Variants in GRM7 observed in about 807,000 individuals in gnomAD.
The protein encoded by GRM7 is glutamate metabotropic receptor 7, also known as metabotropic glutamate receptor 7.
GRM7 carries 35 observed loss-of-function variants against 84.5 expected under a neutral mutation model. The observed-to-expected ratio is 0.41, with a 90% CI of 0.32 to 0.55. The LOEUF (loss-of-function observed/expected upper bound fraction) is 0.55, where lower values mean the gene tolerates loss of function less well. Among genes scored for constraint, GRM7 ranks in the 20% least tolerant of loss-of-function variants. The pLI, the probability that GRM7 is intolerant of heterozygous loss-of-function variation, is 0.19. For missense variants in GRM7, 1,003 were observed against 1,194.6 expected, an observed-to-expected ratio of 0.84 and a Z score of 2.36; for synonymous variants, 487 against 455.1, an observed-to-expected ratio of 1.07 and a Z score of -0.89.
intron 4 of GRM7, among the ~76,000 whole-genome samples, chr3:7,411,980 C>T (rs1695957994): frequency 6.6e-6 from 1 of 151,854 alleles, no homozygotes; most frequent in Admixed American, 6.6e-5. Context: ...CCCCTCCCCT[C>T]CCCTTCCCAA....
intron 2 of GRM7, among the ~76,000 whole-genome samples, chr3:7,197,314 A>G (rs1695910868): frequency 6.6e-6 from 1 of 152,170 alleles, no homozygotes; most frequent in South Asian, 2.1e-4. Context: ...AGTTACATCC[A>G]ATAAAGATGC....
rs192340568 is a variant in GRM7 at position 7,137,792 on chromosome 3, T to C, written c.520-8660T>C. The stretch of plus-strand genomic sequence containing the variant: ...AAACCCACATAATGTCTTCTCTTCA[T>C]TGGAACGTCATTAAGAAGGAGTGTG... On this transcript the variant is annotated intron_variant, in intron 1 of 9. Coordinates refer to ENST00000357716, the MANE Select transcript of GRM7 (RefSeq NM_000844.4). 3.3e-5 allele frequency among the ~76,000 whole-genome samples: 5 copies of C among 152,170 alleles called. No homozygotes were observed. In the East Asian group the frequency reaches 9.7e-4, roughly 29 times the overall value.
chr3:7,698,804 G>T (rs1221142000), intron 9 of GRM7, among the ~76,000 whole-genome samples: 1 of 152,038 alleles, frequency 6.6e-6, no homozygotes, highest in East Asian at 1.9e-4. Flanking sequence ...AGTACCCCCG[G>T]GCTACTACAT....
intron 1 of GRM7, among the ~76,000 whole-genome samples, chr3:6,981,216 A>G (rs953271658): frequency 1.3e-5 from 2 of 152,246 alleles, no homozygotes; most frequent in Admixed American, 1.3e-4. Flanking sequence ...TGAATCATTT[A>G]TAATTTAGAT....
At chr3:7,206,077 G>C (rs1351902463) in intron 2 of GRM7, among the ~76,000 whole-genome samples, 4 of 152,122 alleles carry the variant, frequency 2.6e-5, no homozygotes, top group African/African-American at 4.8e-5. Flanking sequence ...CATTACTGTT[G>C]TGTTGTGGTA....
At chr3:6,927,525 A>AGAAG (rs1697356204) in intron 1 of GRM7, among the ~76,000 whole-genome samples, 1 of 150,582 alleles carries the variant, frequency 6.6e-6, no homozygotes, top group African/African-American at 2.4e-5. Context: ...AAGAAGAGAA[A>AGAAG]AGAAAGAAAG....
chr3:6,890,628 T>A (rs2124981841), intron 1 of GRM7, among the ~76,000 whole-genome samples: 1 of 152,328 alleles, frequency 6.6e-6, no homozygotes, highest in Admixed American at 6.5e-5. Context: ...CTTTTACATT[T>A]GCTGAGGAGA....
intron 7 of GRM7, among the ~76,000 whole-genome samples, chr3:7,511,738 T>C (rs979274051): frequency 2.0e-5 from 3 of 152,166 alleles, no homozygotes; most frequent in Admixed American, 6.6e-5. Context: ...CACAAAGGCA[T>C]TAGTGCTTGT....
intron 9 of GRM7, chr3:7,693,533 C>G: frequency 1.3e-6 from 1 of 748,910 alleles, no homozygotes; most frequent in Non-Finnish European, 2.3e-6. Context: ...CTTAATTCCT[C>G]TTTCCCTCAT....
intron 1 of GRM7, among the ~76,000 whole-genome samples, chr3:7,120,493 C>T (rs976332236): frequency 1.3e-5 from 2 of 152,086 alleles, no homozygotes; most frequent in South Asian, 4.2e-4. Flanking sequence ...GCTACAAAAA[C>T]ATTTTGTATC....
chr3:7,364,297 A>G (rs1237522564), intron 4 of GRM7, among the ~76,000 whole-genome samples: 1 of 151,708 alleles, frequency 6.6e-6, no homozygotes, highest in East Asian at 1.9e-4. Flanking sequence ...TTTTGTCTTA[A>G]ATTTGATTTT....
intron 4 of GRM7, among the ~76,000 whole-genome samples, chr3:7,408,670 G>A (rs1025114985): frequency 6.6e-6 from 1 of 152,198 alleles, no homozygotes; most frequent in East Asian, 1.9e-4. Flanking sequence ...AGGCAGACAA[G>A]AAACTGACAC....
At chr3:7,411,054 C>G (rs1188495247) in intron 4 of GRM7, among the ~76,000 whole-genome samples, 1 of 152,056 alleles carries the variant, frequency 6.6e-6, no homozygotes, top group African/African-American at 2.4e-5. Flanking sequence ...TGCAATACCC[C>G]ATCTGTGTTC....
At chr3:7,642,727 G>A (rs184714269) in intron 8 of GRM7, among the ~76,000 whole-genome samples, 2 of 152,240 alleles carry the variant, frequency 1.3e-5, no homozygotes, top group Admixed American at 6.5e-5. Flanking sequence ...AAACAATCAC[G>A]TCTTAACTGG....
In GRM7 at chr3:7,600,444, T is replaced by C. The variant is rs2125069985; in HGVS notation, c.2451+21087T>C. ...GATTTCTCCTTAGAGCTCTTAGTTG[T>C]CAATAAAAACCTCTTGGTAAGCAAC... On this transcript the variant is annotated intron_variant, in intron 8 of 9. Transcript: ENST00000357716. 2.0e-5 allele frequency among the ~76,000 whole-genome samples: 3 copies of C among 152,244 alleles called. No homozygotes were observed. In the South Asian group the frequency reaches 6.2e-4, roughly 32 times the overall value.
rs1575517773 is a variant in GRM7, at chr3:7,578,977, G to A, written c.2071G>A (p.Val691Ile). ...YRIFEQGKKS[V>I]TAPRLISPTS... ...CATATTTGAGCAGGGCAAGAAATCAGTAACAGCTCCCAGACTCATAAGCCC... is the reference window on the plus strand; with the variant it reads ...CATATTTGAGCAGGGCAAGAAATCAATAACAGCTCCCAGACTCATAAGCCC... Residue 691 changes from valine (V) to isoleucine (I), a missense_variant, in exon 8 of 10, where the codon GTA becomes ATA. Transcript: ENST00000357716. The A allele has an allele frequency of 6.2e-7, 1 of 1,614,092 alleles. No individual in the cohort carries two copies. The highest frequency in any genetic ancestry group is 8.5e-7 in the Non-Finnish European group (1 of 1,180,002).
chr3:7,681,583 CAA>C (rs1700370369), intron 9 of GRM7: 1 of 152,122 alleles, frequency 6.6e-6, no homozygotes, highest in Non-Finnish European at 1.5e-5. Context: ...AGTCCTAGGA[CAA>C]GTCTAAAGGA....
At chr3:7,128,428 C>G (rs2125050527) in intron 1 of GRM7, among the ~76,000 whole-genome samples, 1 of 150,874 alleles carries the variant, frequency 6.6e-6, no homozygotes, top group South Asian at 2.1e-4. Flanking sequence ...CTCATGGGTT[C>G]TTATTTGAGA....
intron 2 of GRM7, among the ~76,000 whole-genome samples, chr3:7,222,831 G>T (rs1355834119): frequency 2.0e-5 from 3 of 152,146 alleles, no homozygotes; most frequent in Middle Eastern, 3.2e-3. Flanking sequence ...TGGAATAATT[G>T]TGTCTTTAAA....
Sources: gnomAD v4.1 joint callset for allele counts (sites outside exome capture counted in the v4.1 genomes callset) on GRCh38, gnomAD v4.1.1 for gene constraint, MANE v1.5 for transcripts, NCBI Gene and HGNC (gene_info 2026-07-23, HGNC 2026-07-21) for gene names.